CFH: variants seen among roughly 807,000 people sequenced by gnomAD.
The protein encoded by CFH is H factor 1 (complement).
Under a neutral mutation model 147.3 loss-of-function variants are expected in CFH, and 53 were observed. The observed-to-expected ratio is 0.36, with a 90% confidence interval of 0.29 to 0.45. The LOEUF (loss-of-function observed/expected upper bound fraction) is 0.45. Among genes scored for constraint, CFH ranks in the 20% least tolerant of loss-of-function variants. The pLI is 1.00. For missense variants in CFH, 1,380 were observed against 1,498.0 expected, an observed-to-expected ratio of 0.92 and a Z score of 1.30; for synonymous variants, 536 against 489.4, an observed-to-expected ratio of 1.10 and a Z score of -1.26.
chr1:196,701,226 G>A, intron 9 of CFH: 5 of 1,574,502 alleles, frequency 3.2e-6, no homozygotes, highest in Non-Finnish European at 4.4e-6. Flanking sequence ...TTCTTGTTTG[G>A]TCAGTCACAT....
In CFH at chr1:196,677,287, G is replaced by A; in HGVS notation, c.428-189G>A. ...TGTCCACTCCCATAGAAAAGAATCA[G>A]GAATAAACATTCCATTTGCTTGTTT... On this transcript the variant is annotated intron_variant, in intron 4 of 21. Transcript: ENST00000367429. 6.9e-6 allele frequency: 4 copies of A among 576,148 alleles called. No homozygotes were observed. In the South Asian group the frequency reaches 8.4e-5, roughly 12 times the overall value. 35.7% of individuals were successfully genotyped at this position (576,148 alleles called of 1,614,324 possible). A position where few individuals can be genotyped will look rare whatever the true frequency, so the allele number is the denominator to read the frequency against.
chr1:196,682,683 A>C (rs1189150087), intron 6 of CFH, among the ~76,000 whole-genome samples: 1 of 151,590 alleles, frequency 6.6e-6, no homozygotes, highest in African/African-American at 2.4e-5. Context: ...AAAAAGAAAA[A>C]AGGAATACAT....
intron 9 of CFH, among the ~76,000 whole-genome samples, chr1:196,709,288 A>G (rs1668669669): frequency 6.6e-6 from 1 of 152,092 alleles, no homozygotes; most frequent in Non-Finnish European, 1.5e-5. Context: ...GTTTATAGGG[A>G]TTATAATTTA....
At chr1:196,653,259 T>G (rs1031399979) in intron 1 of CFH, among the ~76,000 whole-genome samples, 1 of 151,818 alleles carries the variant, frequency 6.6e-6, no homozygotes, top group Non-Finnish European at 1.5e-5. Flanking sequence ...TTTTCTAATG[T>G]TATTGCTTGT....
intron 1 of CFH, among the ~76,000 whole-genome samples, chr1:196,671,257 C>G (rs1375397503): frequency 6.6e-6 from 1 of 152,078 alleles, no homozygotes; most frequent in Non-Finnish European, 1.5e-5. Context: ...AACACTAATT[C>G]TAACATCTGA....
intron 16 of CFH, 84 bp from the exon 17 acceptor site, chr1:196,737,391 A>T: frequency 1.0e-6 from 1 of 1,002,436 alleles, no homozygotes; most frequent in Non-Finnish European, 1.5e-6. Flanking sequence ...TACTCACTTT[A>T]AAATCCGAAA....
At chr1:196,725,377 C>G in intron 12 of CFH, 80 bp downstream of exon 12, 3 of 1,336,124 alleles carry the variant, frequency 2.2e-6, no homozygotes, top group Non-Finnish European at 3.2e-6. Context: ...TTTGTTTGGG[C>G]TCCCATTGCC....
At chr1:196,688,877 C>T (rs951365467) in intron 7 of CFH, among the ~76,000 whole-genome samples, 6 of 152,092 alleles carry the variant, frequency 3.9e-5, no homozygotes, top group African/African-American at 1.4e-4. Context: ...TTCCAAAGTG[C>T]TGGGATTACA....
intron 11 of CFH, among the ~76,000 whole-genome samples, chr1:196,718,509 C>T (rs1159957324): frequency 6.6e-6 from 1 of 151,940 alleles, no homozygotes; most frequent in Admixed American, 6.6e-5. Context: ...AGGAGAGAGA[C>T]ATTTGATAAC....
At chr1:196,676,358 C>T (rs1329835102) in intron 4 of CFH, among the ~76,000 whole-genome samples, 1 of 152,012 alleles carries the variant, frequency 6.6e-6, no homozygotes, top group African/African-American at 2.4e-5. Context: ...ATATAAGCAT[C>T]ATTAGCTAAA....
chr1:196,732,637 C>T (rs1558181497), intron 15 of CFH, among the ~76,000 whole-genome samples: 1 of 151,918 alleles, frequency 6.6e-6, no homozygotes, highest in African/African-American at 2.4e-5. Context: ...CTAATTTTTC[C>T]AGCCAGAGAT....
intron 9 of CFH, among the ~76,000 whole-genome samples, chr1:196,690,761 C>A (rs2149089123): frequency 6.6e-6 from 1 of 152,172 alleles, no homozygotes; most frequent in East Asian, 1.9e-4. Flanking sequence ...TTACATAGGG[C>A]CCAAAGATTG....
At chr1:196,665,099 C>T (rs1444963920) in intron 1 of CFH, among the ~76,000 whole-genome samples, 1 of 151,386 alleles carries the variant, frequency 6.6e-6, no homozygotes, top group Non-Finnish European at 1.5e-5. Flanking sequence ...GTAATGGTCA[C>T]GTTAATGCCT....
chr1:196,685,014 T>A, intron 6 of CFH, 50 bp from the exon 7 acceptor site: 2 of 1,382,266 alleles, frequency 1.4e-6, no homozygotes. Flanking sequence ...AATGATTAAT[T>A]TTAACGGATA....
At position 196,690,508 on chromosome 1, in the gene CFH, A is replaced by G. The variant is rs557663926; in HGVS notation, c.1336+269A>G. 51 of 484,240 alleles carry G rather than the reference A, an allele frequency of 1.1e-4. 1 individual carries two copies. The East Asian group carries it at 1.6e-3, about 15-fold the overall frequency. The allele number at this position is 484,240 out of a possible 1,614,324, so 30.0% of individuals were successfully genotyped here. A position where few individuals can be genotyped will look rare whatever the true frequency, so the allele number is the denominator to read the frequency against. ...AACACAATACTTGTTGGTTAAATGA[A>G]GTCGTATTGAAGCGGCATCATTGTC... On this transcript the variant is annotated intron_variant, in intron 9 of 21. Coordinates refer to ENST00000367429, the MANE Select transcript of CFH (RefSeq NM_000186.4).
At chr1:196,696,909 A>G (rs1472225965) in intron 9 of CFH, among the ~76,000 whole-genome samples, 1 of 152,226 alleles carries the variant, frequency 6.6e-6, no homozygotes, top group African/African-American at 2.4e-5. Context: ...TGGGAAAAGG[A>G]TTCCTTATTT....
chr1:196,740,543 C>T (rs1358959664), intron 17 of CFH, 76 bp from the exon 18 acceptor site: 9 of 1,392,306 alleles, frequency 6.5e-6, no homozygotes, highest in Middle Eastern at 2.0e-4. Context: ...TCAAATAAAA[C>T]TACTTAATAT....
At chr1:196,741,785 A>G in intron 18 of CFH, 90 bp from the exon 19 acceptor site, 3 of 1,186,654 alleles carry the variant, frequency 2.5e-6, no homozygotes, top group Non-Finnish European at 3.7e-6. Context: ...CATTGATTCT[A>G]TATATCGCTA....
intron 1 of CFH, among the ~76,000 whole-genome samples, chr1:196,670,000 G>A (rs917599184): frequency 6.6e-6 from 1 of 152,202 alleles, no homozygotes; most frequent in Non-Finnish European, 1.5e-5. Flanking sequence ...TGACCTGAAT[G>A]TGAGACATGG....
Sources: gnomAD v4.1 joint callset for allele counts (sites outside exome capture counted in the v4.1 genomes callset) on GRCh38, gnomAD v4.1.1 for gene constraint, MANE v1.5 for transcripts, NCBI Gene and HGNC (gene_info 2026-07-23, HGNC 2026-07-21) for gene names.